The following TNRC6B variants were observed in gnomAD, a reference collection of about 807,000 sequenced individuals.
TNRC6B encodes trinucleotide repeat containing adaptor 6B.
TNRC6B carries 52 observed loss-of-function variants against 203.6 expected under a neutral mutation model. That is an observed-to-expected ratio of 0.26 (90% CI 0.20 to 0.32). The LOEUF (loss-of-function observed/expected upper bound fraction) is 0.32, where lower values mean the gene tolerates loss of function less well. TNRC6B is among the 10% of genes least tolerant of loss of function. TNRC6B has a pLI of 1.00. For synonymous variants in TNRC6B, 838 were observed against 845.7 expected (o/e 0.99, Z 0.16); for missense variants, 1,923 against 2,286.2 (o/e 0.84, Z 3.24).
intron 3 of TNRC6B, among the ~76,000 whole-genome samples, chr22:40,148,498 G>A (rs1000914640): frequency 2.0e-5 from 3 of 152,056 alleles, no homozygotes; most frequent in Admixed American, 6.6e-5. Context: ...TGGCCAGGAT[G>A]ATCTCAATCT....
At chr22:40,080,391 ATTATAGATTCCTGT>A (rs2146288438) in intron 1 of TNRC6B, among the ~76,000 whole-genome samples, 1 of 152,100 alleles carries the variant, frequency 6.6e-6, no homozygotes, top group East Asian at 1.9e-4. Context: ...ATTCTGTTTG[ATTATAGATTCCTGT>A]ATGAGGACTA....
intron 1 of TNRC6B, among the ~76,000 whole-genome samples, chr22:40,093,950 A>G (rs2068168181): frequency 6.6e-6 from 1 of 152,222 alleles, no homozygotes; most frequent in Admixed American, 6.5e-5. Flanking sequence ...TAACTGGAAG[A>G]GTAGAATTGG....
At chr22:40,084,925 C>T (rs539930554) in intron 1 of TNRC6B, among the ~76,000 whole-genome samples, 1 of 152,286 alleles carries the variant, frequency 6.6e-6, no homozygotes, top group African/African-American at 2.4e-5. Context: ...TGGTATCATG[C>T]CTTTGTGTAG....
rs1601892030 is a variant in TNRC6B at position 40,217,165 on chromosome 22, C to T, written c.6-28850C>T. The stretch of plus-strand genomic sequence containing the variant: ...CTTGGAAGCATTTCCCTCATTGTTC[C>T]TTGTCTTCATTACTGCATCATTAGC... On this transcript the variant is annotated intron_variant, in intron 1 of 22. Coordinates refer to ENST00000454349, the MANE Select transcript of TNRC6B (RefSeq NM_001162501.2). Among the ~76,000 whole-genome samples, 5 of 152,146 alleles carry T rather than the reference C, an allele frequency of 3.3e-5. No homozygotes were observed. The South Asian group carries it at 1.0e-3, about 32-fold the overall frequency.
At position 40,300,918 on chromosome 22, in the gene TNRC6B, G is replaced by C; in HGVS notation, c.3849G>C (p.Gln1283His). 6.2e-7 allele frequency: 1 copy of C among 1,613,610 alleles called. No homozygotes were observed. The highest frequency in any genetic ancestry group is 8.5e-7 in the Non-Finnish European group (1 of 1,179,760). The change falls in exon 14 of 23, where the codon CAG becomes CAC. Residue 1283 changes from glutamine (Q) to histidine (H), a missense_variant. By Grantham distance (24) the Gln-to-His change is conservative. Around this residue, in one of 8 missense-constraint regions of TNRC6B, gnomAD observed 242 missense variants for 399.5 expected, o/e 0.61. Coordinates refer to ENST00000454349, the MANE Select transcript of TNRC6B (RefSeq NM_001162501.2). Reference sequence around the variant, plus strand: ...TCCCCCTTGTTTTGTAGGCATGTCAGCTTCTCTTGCAGCAGCAGCAACAGC... The same window carrying C: ...TCCCCCTTGTTTTGTAGGCATGTCACCTTCTCTTGCAGCAGCAGCAACAGC... ...PQIPQFQLACQLLLQQQQQQQ... is the reference protein window; with the variant it reads ...PQIPQFQLACHLLLQQQQQQQ...
At chr22:40,224,339 T>C (rs908851181) in intron 1 of TNRC6B, among the ~76,000 whole-genome samples, 6 of 152,198 alleles carry the variant, frequency 3.9e-5, no homozygotes, top group African/African-American at 9.6e-5. Context: ...TATTCCCTTA[T>C]AGAGAATGCA....
chr22:40,310,040 A>G (rs1426744670), intron 16 of TNRC6B, among the ~76,000 whole-genome samples: 1 of 152,216 alleles, frequency 6.6e-6, no homozygotes, highest in Non-Finnish European at 1.5e-5. Context: ...TGATACCTAA[A>G]ATTTTATTCA....
chr22:40,280,884 G>A (rs1347301596), intron 10 of TNRC6B, among the ~76,000 whole-genome samples: 1 of 152,126 alleles, frequency 6.6e-6, no homozygotes, highest in African/African-American at 2.4e-5. Context: ...GTAATGCAAT[G>A]GACAGAACGT....
At position 40,324,543 on chromosome 22, in the gene TNRC6B, T is replaced by G. The variant is rs1405764715; in HGVS notation, c.*1302T>G. 1 of 152,658 alleles carries G rather than the reference T, an allele frequency of 6.6e-6. No homozygotes were observed. The highest frequency in any genetic ancestry group is 2.4e-5 in the African/African-American group (1 of 41,458). The allele number at this position is 152,658 out of a possible 1,614,324, so 9.5% of individuals were successfully genotyped here. ...TTCATTTTATGAAAACAGAAAAGAA[T>G]AAGTGGTGAGCAGCCTCCTGAAAGC... is the stretch of plus-strand genomic sequence containing the variant. On this transcript the variant is annotated 3_prime_UTR_variant, in exon 23 of 23. Transcript: ENST00000454349.
intron 1 of TNRC6B, among the ~76,000 whole-genome samples, chr22:40,206,905 A>G (rs907572051): frequency 4.6e-5 from 7 of 152,220 alleles, no homozygotes; most frequent in Admixed American, 4.6e-4. Flanking sequence ...GGGCCGCCGT[A>G]ACAAAATACC....
chr22:40,049,704 A>G (rs1290635398), intron 1 of TNRC6B, among the ~76,000 whole-genome samples: 1 of 152,128 alleles, frequency 6.6e-6, no homozygotes, highest in African/African-American at 2.4e-5. Flanking sequence ...TCCGGGTTTA[A>G]GTGATTCTCC....
At chr22:40,252,553 G>T (rs544136026) in intron 3 of TNRC6B, among the ~76,000 whole-genome samples, 1 of 152,168 alleles carries the variant, frequency 6.6e-6, no homozygotes, top group Non-Finnish European at 1.5e-5. Context: ...ATGACTAGGC[G>T]TTACTATAAT....
chr22:40,267,702 C>CA (rs763959986), intron 5 of TNRC6B, among the ~76,000 whole-genome samples: 1 of 152,066 alleles, frequency 6.6e-6, no homozygotes, highest in East Asian at 1.9e-4. Flanking sequence ...TCAGTCTCTA[C>CA]AAAAATATTT....
intron 1 of TNRC6B, among the ~76,000 whole-genome samples, chr22:40,211,651 G>A (rs1042125931): frequency 1.3e-5 from 2 of 152,106 alleles, no homozygotes; most frequent in Non-Finnish European, 1.5e-5. Context: ...TATATTTTGC[G>A]GACGTGCTTG....
chr22:40,118,586 A>G (rs1282176959), intron 2 of TNRC6B, among the ~76,000 whole-genome samples: 1 of 152,214 alleles, frequency 6.6e-6, no homozygotes, highest in African/African-American at 2.4e-5. Flanking sequence ...TTTAAAGAAA[A>G]AGCACTGTCA....
chr22:40,067,398 T>C (rs142388918), intron 1 of TNRC6B, among the ~76,000 whole-genome samples: 7 of 152,252 alleles, frequency 4.6e-5, no homozygotes, highest in Non-Finnish European at 8.8e-5. Flanking sequence ...TATATTAGGG[T>C]TCTCTAGAGA....
At chr22:40,137,527 G>T (rs376714583) in intron 3 of TNRC6B, among the ~76,000 whole-genome samples, 1 of 152,142 alleles carries the variant, frequency 6.6e-6, no homozygotes, top group South Asian at 2.1e-4. Flanking sequence ...TGCTTTGTGC[G>T]TATTCAGAGC....
At chr22:40,238,615 C>T (rs1417840237) in intron 1 of TNRC6B, among the ~76,000 whole-genome samples, 1 of 152,062 alleles carries the variant, frequency 6.6e-6, no homozygotes, top group Admixed American at 6.6e-5. Flanking sequence ...ATGTTCACCC[C>T]CAGATACCCA....
intron 1 of TNRC6B, among the ~76,000 whole-genome samples, chr22:40,069,610 C>G (rs973208252): frequency 6.6e-6 from 1 of 151,774 alleles, no homozygotes; most frequent in Non-Finnish European, 1.5e-5. Flanking sequence ...GCCTCAGCCT[C>G]CAGAGTATCT....
Sources: gnomAD v4.1 joint callset for allele counts (sites outside exome capture counted in the v4.1 genomes callset) on GRCh38, gnomAD v4.1.1 for gene constraint, gnomAD v4.1.1 regional missense constraint, MANE v1.5 for transcripts, NCBI Gene and HGNC (gene_info 2026-07-23, HGNC 2026-07-21) for gene names.